The following INPP4B variants were observed in gnomAD, a reference collection of about 807,000 sequenced individuals.
INPP4B encodes the protein inositol polyphosphate-4-phosphatase type II B.
INPP4B carries 55 observed loss-of-function variants against 122.5 expected under a neutral mutation model. The ratio of observed to expected loss-of-function variants is 0.45; its 90% CI spans 0.36 to 0.56. The LOEUF is 0.56. INPP4B is among the 20% of genes least tolerant of loss of function. The pLI is 0.00. For synonymous variants in INPP4B, 403 were observed against 388.7 expected (o/e 1.04, Z -0.43); for missense variants, 1,000 against 1,097.7 (o/e 0.91, Z 1.26).
chr4:142,406,002 C>T lies in INPP4B; in HGVS notation c.137-678G>A, dbSNP rs1011924867. ...ACACCAGGCTCATATTACAGACCCT[C>T]GCCACCATACCATATTTACTTGAAT... On this transcript the variant is annotated intron_variant, in intron 5 of 25. Coordinates refer to ENST00000262992, the MANE Select transcript of INPP4B (RefSeq NM_001101669.3). Among the ~76,000 whole-genome samples the T allele has an allele frequency of 7.2e-5, 11 of 152,114 alleles. No homozygotes were observed. The East Asian group carries it at 1.4e-3, about 19-fold the overall frequency.
intron 12 of INPP4B, among the ~76,000 whole-genome samples, chr4:142,223,975 A>G (rs1850455378): frequency 6.6e-6 from 1 of 152,110 alleles, no homozygotes; most frequent in Admixed American, 6.6e-5. Flanking sequence ...GCTGCTCCCT[A>G]TTGCTTTTCC....
chr4:142,698,985 C>T (rs2150750258), intron 2 of INPP4B, among the ~76,000 whole-genome samples: 1 of 152,212 alleles, frequency 6.6e-6, no homozygotes, highest in East Asian at 1.9e-4. Flanking sequence ...TTCAAGACTC[C>T]CTCAGCAGTA....
chr4:142,330,763 T>G (rs957646368), intron 7 of INPP4B, among the ~76,000 whole-genome samples: 1 of 152,208 alleles, frequency 6.6e-6, no homozygotes, highest in Admixed American at 6.5e-5. Context: ...GGAATGTATT[T>G]GTCATTTATA....
At chr4:142,602,264 C>G (rs546934320) in intron 2 of INPP4B, among the ~76,000 whole-genome samples, 1 of 152,052 alleles carries the variant, frequency 6.6e-6, no homozygotes, top group African/African-American at 2.4e-5. Context: ...CCTAGGGATA[C>G]AGCTAACATG....
chr4:142,673,239 A>G (rs1040772465), intron 2 of INPP4B, among the ~76,000 whole-genome samples: 4 of 152,254 alleles, frequency 2.6e-5, no homozygotes, highest in Admixed American at 2.0e-4. Flanking sequence ...AGATTTTAAA[A>G]TCAATTTACC....
At chr4:142,799,383 T>C (rs1048568809) in intron 1 of INPP4B, among the ~76,000 whole-genome samples, 1 of 151,894 alleles carries the variant, frequency 6.6e-6, no homozygotes, top group Non-Finnish European at 1.5e-5. Context: ...ACACTACAAA[T>C]GATCATAATC....
chr4:142,149,265 C>A (rs1015032420), intron 17 of INPP4B, among the ~76,000 whole-genome samples: 1 of 152,074 alleles, frequency 6.6e-6, no homozygotes, highest in African/African-American at 2.4e-5. Context: ...AGGGAGGAAG[C>A]AAGAGAAGGA....
At chr4:142,635,456 C>A (rs903472527) in intron 2 of INPP4B, among the ~76,000 whole-genome samples, 1 of 152,158 alleles carries the variant, frequency 6.6e-6, no homozygotes, top group Non-Finnish European at 1.5e-5. Flanking sequence ...TGGAATCAAC[C>A]TAAATGCCCA....
chr4:142,311,859 C>T (rs1233804134), intron 8 of INPP4B, among the ~76,000 whole-genome samples: 1 of 152,080 alleles, frequency 6.6e-6, no homozygotes, highest in East Asian at 1.9e-4. Context: ...GAATGTGCTA[C>T]CTGGGGTACC....
At chr4:142,816,966 T>C (rs949585118) in intron 1 of INPP4B, among the ~76,000 whole-genome samples, 2 of 152,114 alleles carry the variant, frequency 1.3e-5, no homozygotes, top group African/African-American at 2.4e-5. Flanking sequence ...GTGACCTTAA[T>C]TGGAAATAGG....
rs765948208 is a variant in INPP4B at position 142,290,298 on chromosome 4, C to G, written c.503+15160G>C. On this transcript the variant is annotated intron_variant, in intron 9 of 25. Coordinates refer to ENST00000262992, the MANE Select transcript of INPP4B (RefSeq NM_001101669.3). ...CTCAGCTCTGTGCAACTTCTGCTAC[C>G]CAGGTTCAAGCGATTCTCCTGCCTC... 4.1e-5 allele frequency among the ~76,000 whole-genome samples: 6 copies of G among 145,702 alleles called. No homozygotes were observed. In the South Asian group the frequency reaches 1.1e-3, roughly 27 times the overall value.
chr4:142,067,542 G>A (rs1764239011), intron 25 of INPP4B, among the ~76,000 whole-genome samples: 1 of 152,172 alleles, frequency 6.6e-6, no homozygotes, highest in South Asian at 2.1e-4. Context: ...TGAGCTAAAG[G>A]AGGATGTTCA....
intron 17 of INPP4B, among the ~76,000 whole-genome samples, chr4:142,152,294 C>T (rs935777638): frequency 1.3e-5 from 2 of 151,830 alleles, no homozygotes; most frequent in African/African-American, 4.8e-5. Context: ...CCAGGATGGT[C>T]TCGATCTCCT....
intron 7 of INPP4B, among the ~76,000 whole-genome samples, chr4:142,382,182 G>A (rs893155390): frequency 6.6e-6 from 1 of 152,060 alleles, no homozygotes; most frequent in Non-Finnish European, 1.5e-5. Flanking sequence ...ATTCCCATCT[G>A]TAAAGATCTT....
At chr4:142,756,564 G>C (rs1381810533) in intron 1 of INPP4B, among the ~76,000 whole-genome samples, 2 of 151,860 alleles carry the variant, frequency 1.3e-5, no homozygotes, top group African/African-American at 2.4e-5. Context: ...TTCTCTATCA[G>C]CTCCAAACTC....
intron 2 of INPP4B, among the ~76,000 whole-genome samples, chr4:142,470,914 T>A (rs1818699074): frequency 6.6e-6 from 1 of 152,182 alleles, no homozygotes; most frequent in Admixed American, 6.5e-5. Context: ...AATAGAGGAA[T>A]CTTTGAATAA....
intron 9 of INPP4B, among the ~76,000 whole-genome samples, chr4:142,301,199 T>C (rs1280233693): frequency 1.3e-5 from 2 of 152,166 alleles, no homozygotes; most frequent in Non-Finnish European, 2.9e-5. Context: ...AGAAATGAAG[T>C]CTTGGTGCTA....
chr4:142,106,827 C>T (rs1314900719), intron 23 of INPP4B, among the ~76,000 whole-genome samples: 1 of 151,980 alleles, frequency 6.6e-6, no homozygotes, highest in African/African-American at 2.4e-5. Flanking sequence ...TGCCGCTGGC[C>T]TGGGGACCAC....
At chr4:142,443,881 G>A (rs1453122423) in intron 3 of INPP4B, among the ~76,000 whole-genome samples, 2 of 151,908 alleles carry the variant, frequency 1.3e-5, no homozygotes, top group Non-Finnish European at 2.9e-5. Flanking sequence ...AGGAAAAGTG[G>A]GGCAGAAGAG....
Sources: gnomAD v4.1 joint callset for allele counts (sites outside exome capture counted in the v4.1 genomes callset) on GRCh38, gnomAD v4.1.1 for gene constraint, MANE v1.5 for transcripts, NCBI Gene and HGNC (gene_info 2026-07-23, HGNC 2026-07-21) for gene names.